The following SEMA6D variants were observed in gnomAD, a reference collection of about 807,000 sequenced individuals.
SEMA6D encodes semaphorin-6D.
Under a neutral mutation model 106.6 loss-of-function variants are expected in SEMA6D, and 35 were observed. The ratio of observed to expected loss-of-function variants is 0.33; its 90% CI spans 0.25 to 0.44. SEMA6D has a LOEUF of 0.44. SEMA6D is among the 20% of genes least tolerant of loss of function. The pLI, the probability that SEMA6D is intolerant of heterozygous loss-of-function variation, is 1.00. For missense variants in SEMA6D, 1,185 were observed against 1,345.9 expected (o/e 0.88, Z 1.87); for synonymous variants, 499 against 487.7 (o/e 1.02, Z -0.31).
intron 1 of SEMA6D, among the ~76,000 whole-genome samples, chr15:47,223,711 C>T (rs2031412086): frequency 6.6e-6 from 1 of 151,950 alleles, no homozygotes; most frequent in Non-Finnish European, 1.5e-5. Context: ...CTAACTTTAT[C>T]ATAAAGCTCA....
chr15:47,537,630 T>C (rs1416139601), intron 3 of SEMA6D, among the ~76,000 whole-genome samples: 5 of 152,220 alleles, frequency 3.3e-5, no homozygotes, highest in African/African-American at 1.2e-4. Flanking sequence ...AGGCTTGAGC[T>C]ACATGGGTCT....
chr15:47,357,371 G>T (rs2038625723), intron 1 of SEMA6D, among the ~76,000 whole-genome samples: 1 of 152,056 alleles, frequency 6.6e-6, no homozygotes, highest in Non-Finnish European at 1.5e-5. Context: ...AAATGGGACT[G>T]TGCATTATAT....
intron 1 of SEMA6D, among the ~76,000 whole-genome samples, chr15:47,368,185 T>C (rs1595844477): frequency 6.6e-6 from 1 of 152,294 alleles, no homozygotes; most frequent in African/African-American, 2.4e-5. Flanking sequence ...TGTGCCAGGC[T>C]CCCCAGCTTT....
chr15:47,266,066 G>T (rs1412739774), intron 1 of SEMA6D, among the ~76,000 whole-genome samples: 1 of 152,090 alleles, frequency 6.6e-6, no homozygotes, highest in Non-Finnish European at 1.5e-5. Flanking sequence ...TCTTTTGGGG[G>T]AATAATTCTT....
At position 47,773,189 on chromosome 15, in the gene SEMA6D, C is replaced by G. The variant is rs2082705495; in HGVS notation, c.*1404C>G. On this transcript the variant is annotated 3_prime_UTR_variant, in exon 19 of 19. Transcript: ENST00000536845. ...GTTTTTCAACCAGCACCTAAAAAGA[C>G]TCTTTTCAAAAAATCACAGAAACAA... The G allele has an allele frequency of 6.6e-6, 1 of 152,610 alleles. No individual in the cohort carries two copies. Among genetic ancestry groups the G allele is most frequent in the Non-Finnish European group, 1.5e-5 (1 of 68,032 alleles). 9.5% of individuals were successfully genotyped at this position (152,610 alleles called of 1,614,324 possible).
intron 3 of SEMA6D, among the ~76,000 whole-genome samples, chr15:47,535,607 G>A (rs1222061070): frequency 6.6e-6 from 1 of 151,842 alleles, no homozygotes; most frequent in Non-Finnish European, 1.5e-5. Context: ...AATCAGGTAA[G>A]TTGATACCCT....
intron 4 of SEMA6D, among the ~76,000 whole-genome samples, chr15:47,694,859 T>C (rs922821858): frequency 3.3e-5 from 5 of 152,132 alleles, no homozygotes; most frequent in African/African-American, 1.2e-4. Flanking sequence ...GTAATTAAAA[T>C]ACATCTGTGT....
intron 3 of SEMA6D, among the ~76,000 whole-genome samples, chr15:47,515,971 A>G (rs1430639250): frequency 6.6e-6 from 1 of 152,190 alleles, no homozygotes; most frequent in East Asian, 1.9e-4. Flanking sequence ...GGTGGGTCTG[A>G]AAAGGATGAC....
chr15:47,607,151 G>A (rs1171635028), intron 4 of SEMA6D, among the ~76,000 whole-genome samples: 1 of 152,188 alleles, frequency 6.6e-6, no homozygotes, highest in Non-Finnish European at 1.5e-5. Context: ...CTAGGAATAT[G>A]TTTAGTAGAT....
chr15:47,204,307 T>A (rs932478535), intron 1 of SEMA6D, among the ~76,000 whole-genome samples: 3 of 152,186 alleles, frequency 2.0e-5, no homozygotes. Context: ...AAATGTCTTC[T>A]GTCTCAAAAA....
chr15:47,692,774 C>T (rs750220700), intron 4 of SEMA6D, among the ~76,000 whole-genome samples: 5 of 152,052 alleles, frequency 3.3e-5, no homozygotes, highest in Non-Finnish European at 7.4e-5. Context: ...AGTTGTGTAG[C>T]GATGACCCTG....
chr15:47,291,485 T>C (rs2035590838), intron 1 of SEMA6D, among the ~76,000 whole-genome samples: 1 of 152,154 alleles, frequency 6.6e-6, no homozygotes, highest in African/African-American at 2.4e-5. Flanking sequence ...GACTGGAGCC[T>C]TTAGGAAGCC....
At chr15:47,616,800 C>A (rs149341419) in intron 4 of SEMA6D, among the ~76,000 whole-genome samples, 349 of 152,226 alleles carry the variant, frequency 2.3e-3, no homozygotes, top group African/African-American at 8.2e-3. Context: ...TTTATTAACA[C>A]CTTACTCTCT....
intron 1 of SEMA6D, among the ~76,000 whole-genome samples, chr15:47,739,970 C>G (rs1165334068): frequency 6.6e-6 from 1 of 152,100 alleles, no homozygotes. Flanking sequence ...TTAGATAGGT[C>G]CAATTATTTT....
chr15:47,435,423 C>T (rs2041670196), intron 2 of SEMA6D, among the ~76,000 whole-genome samples: 1 of 152,096 alleles, frequency 6.6e-6, no homozygotes, highest in Non-Finnish European at 1.5e-5. Flanking sequence ...TGTTTTTCCT[C>T]CTTATGCCCT....
chr15:47,694,613 A>G (rs1271352685), intron 4 of SEMA6D, among the ~76,000 whole-genome samples: 1 of 152,104 alleles, frequency 6.6e-6, no homozygotes, highest in East Asian at 1.9e-4. Flanking sequence ...TGAGGTTTAC[A>G]GGCCTGTGGC....
intron 4 of SEMA6D, among the ~76,000 whole-genome samples, chr15:47,712,241 A>G (rs1596716149): frequency 1.3e-5 from 2 of 152,184 alleles, no homozygotes; most frequent in East Asian, 3.8e-4. Context: ...TTAGCTTTGA[A>G]TATCTAATTG....
Position 47,193,570 on chromosome 15 carries a change from A to G in SEMA6D, c.-239+9152A>G, listed in dbSNP as rs182351475. ...GCTTAAAACCATCCAAAGGCTTCTC[A>G]TTACACTTTGAATGGAATCCTTGTA... On this transcript the variant is annotated intron_variant, in intron 1 of 19. Coordinates refer to the SEMA6D transcript ENST00000558014. 5.7e-4 allele frequency among the ~76,000 whole-genome samples: 87 copies of G among 152,318 alleles called. 1 individual carries two copies. Among genetic ancestry groups the G allele is most frequent in the Admixed American group, 1.3e-3 (20 of 15,294 alleles).
intron 1 of SEMA6D, among the ~76,000 whole-genome samples, chr15:47,291,392 A>T (rs1199036148): frequency 2.0e-5 from 3 of 152,172 alleles, no homozygotes; most frequent in African/African-American, 7.2e-5. Context: ...TCTCAGGAAA[A>T]TGGGGACCTG....
Sources: allele counts gnomAD v4.1 joint callset (sites outside exome capture counted in the v4.1 genomes callset), GRCh38; gene constraint gnomAD v4.1.1; transcripts MANE v1.5; gene names NCBI Gene and HGNC (gene_info 2026-07-23, HGNC 2026-07-21).